Variants in KITLG observed in about 807,000 individuals in gnomAD.
KITLG encodes the protein c-Kit ligand.
A neutral mutation model predicts 34.1 loss-of-function variants in KITLG; 13 were observed. The observed-to-expected ratio is 0.38, with a 90% CI of 0.25 to 0.61. The LOEUF (loss-of-function observed/expected upper bound fraction) is 0.61. Among genes scored for constraint, KITLG ranks in the 20% least tolerant of loss-of-function variants. KITLG has a pLI of 0.60. For missense variants in KITLG, 292 were observed against 318.9 expected (o/e 0.92, Z 0.64); for synonymous variants, 110 against 104.0 (o/e 1.06, Z -0.35).
At chr12:88,563,224 A>T (rs1328667384) in intron 1 of KITLG, among the ~76,000 whole-genome samples, 1 of 152,046 alleles carries the variant, frequency 6.6e-6, no homozygotes, top group African/African-American at 2.4e-5. Context: ...CATACCCAGA[A>T]GTGATGACAT....
chr12:88,539,208 G>T (rs1182545030), intron 2 of KITLG, among the ~76,000 whole-genome samples: 2 of 152,060 alleles, frequency 1.3e-5, no homozygotes, highest in East Asian at 3.9e-4. Flanking sequence ...TGAGATCAGT[G>T]GCCACCTTGG....
At chr12:88,547,840 T>C (rs1005719679) in intron 1 of KITLG, among the ~76,000 whole-genome samples, 1 of 152,232 alleles carries the variant, frequency 6.6e-6, no homozygotes, top group African/African-American at 2.4e-5. Context: ...TTCTCATTCA[T>C]CTAACAAGTA....
At chr12:88,578,712 T>G (rs369369983) in intron 1 of KITLG, among the ~76,000 whole-genome samples, 3 of 152,262 alleles carry the variant, frequency 2.0e-5, no homozygotes, top group African/African-American at 7.2e-5. Context: ...TGTGTTCTTG[T>G]TTAAATAGGA....
chr12:88,501,764 TTC>T (rs1868867378), intron 9 of KITLG, among the ~76,000 whole-genome samples: 1 of 152,196 alleles, frequency 6.6e-6, no homozygotes, highest in African/African-American at 2.4e-5. Flanking sequence ...ACAAGTTTAT[TTC>T]TGTTTTTATT....
At chr12:88,516,073 A>G (rs1483423257) in intron 5 of KITLG, among the ~76,000 whole-genome samples, 2 of 151,846 alleles carry the variant, frequency 1.3e-5, no homozygotes, top group East Asian at 3.9e-4. Flanking sequence ...CAAATATTAG[A>G]TGAGAAAAGG....
At chr12:88,526,733 A>G (rs141348976) in intron 3 of KITLG, among the ~76,000 whole-genome samples, 4 of 152,306 alleles carry the variant, frequency 2.6e-5, no homozygotes, top group Middle Eastern at 3.4e-3. Flanking sequence ...GGTGTTAGCT[A>G]GACAAAAGAA....
At chr12:88,514,565 C>A (rs1269180274) in intron 6 of KITLG, among the ~76,000 whole-genome samples, 1 of 151,628 alleles carries the variant, frequency 6.6e-6, no homozygotes, top group African/African-American at 2.4e-5. Context: ...GGGTAGCATT[C>A]TGTAATCAAA....
intron 6 of KITLG, among the ~76,000 whole-genome samples, chr12:88,513,135 A>G (rs1400107129): frequency 6.6e-6 from 1 of 151,848 alleles, no homozygotes; most frequent in Admixed American, 6.6e-5. Context: ...ATGATGACAC[A>G]AAAGATGGGT....
At chr12:88,522,367 C>T (rs1334828944) in intron 3 of KITLG, among the ~76,000 whole-genome samples, 1 of 151,224 alleles carries the variant, frequency 6.6e-6, no homozygotes, top group Non-Finnish European at 1.5e-5. Flanking sequence ...AGAAACTGTG[C>T]TGGTTTATTA....
At chr12:88,539,460 T>C (rs1032628400) in intron 2 of KITLG, among the ~76,000 whole-genome samples, 4 of 152,140 alleles carry the variant, frequency 2.6e-5, no homozygotes, top group African/African-American at 9.7e-5. Flanking sequence ...ACTATGTTAG[T>C]TGTTCAACCT....
At chr12:88,513,148 G>A (rs1869339040) in intron 6 of KITLG, among the ~76,000 whole-genome samples, 1 of 151,690 alleles carries the variant, frequency 6.6e-6, no homozygotes, top group African/African-American at 2.4e-5. Context: ...AGATGGGTAT[G>A]GGTAAATAAA....
At chr12:88,548,765 C>G (rs941640309) in intron 1 of KITLG, among the ~76,000 whole-genome samples, 2 of 152,166 alleles carry the variant, frequency 1.3e-5, no homozygotes, top group African/African-American at 2.4e-5. Flanking sequence ...GTGCCTGCTA[C>G]CTAGTAACTT....
At chr12:88,556,218 CA>C (rs5799868) in intron 1 of KITLG, among the ~76,000 whole-genome samples, 1,764 of 124,978 alleles carry the variant, frequency 0.014, 44 homozygotes, top group African/African-American at 0.057. Context: ...AAAGAATAAG[CA>C]AAAAAAAAAA....
At chr12:88,546,441 A>G (rs1870722753) in intron 1 of KITLG, among the ~76,000 whole-genome samples, 1 of 152,220 alleles carries the variant, frequency 6.6e-6, no homozygotes, top group South Asian at 2.1e-4. Context: ...ATATTTCCTT[A>G]GCCAACAGGA....
intron 6 of KITLG, 109 bp downstream of exon 6, chr12:88,515,425 G>C: frequency 1.4e-6 from 1 of 715,612 alleles, no homozygotes; most frequent in South Asian, 1.5e-5. Context: ...AACAGTAACA[G>C]AACAGTATCA....
chr12:88,575,800 G>A (rs373789741), intron 1 of KITLG, among the ~76,000 whole-genome samples: 1 of 152,030 alleles, frequency 6.6e-6, no homozygotes, highest in South Asian at 2.1e-4. Flanking sequence ...ATATCCAAAT[G>A]CCTTGCCCTA....
At chr12:88,527,935 G>C (rs1472072014) in intron 3 of KITLG, among the ~76,000 whole-genome samples, 1 of 152,166 alleles carries the variant, frequency 6.6e-6, no homozygotes, top group Admixed American at 6.5e-5. Flanking sequence ...AAGAAAGCCT[G>C]AGGAAATCTT....
chr12:88,515,858 C>G (rs1328882810), intron 5 of KITLG, among the ~76,000 whole-genome samples: 2 of 151,456 alleles, frequency 1.3e-5, no homozygotes, highest in Non-Finnish European at 3.0e-5. Context: ...AATAATGACA[C>G]ATTGATGGTA....
chr12:88,557,812 GT>G (rs1251288061), intron 1 of KITLG, among the ~76,000 whole-genome samples: 1 of 152,012 alleles, frequency 6.6e-6, no homozygotes, highest in African/African-American at 2.4e-5. Flanking sequence ...CACGGGCACC[GT>G]TTACTCTTAT....
Sources: gnomAD v4.1 joint callset for allele counts (sites outside exome capture counted in the v4.1 genomes callset) on GRCh38, gnomAD v4.1.1 for gene constraint, MANE v1.5 for transcripts, NCBI Gene and HGNC (gene_info 2026-07-23, HGNC 2026-07-21) for gene names.